GMEB2: variants seen among roughly 807,000 people sequenced by gnomAD.
GMEB2 encodes the protein glucocorticoid modulatory element-binding protein 2.
GMEB2 carries 7 observed loss-of-function variants against 45.7 expected under a neutral mutation model. The ratio of observed to expected loss-of-function variants is 0.15; its 90% CI spans 0.09 to 0.29. The LOEUF is 0.29. Ranked by LOEUF, GMEB2 falls within the 10% of genes least tolerant of loss-of-function variation. The pLI is 1.00. For missense variants in GMEB2, 582 were observed against 739.2 expected, an observed-to-expected ratio of 0.79 and a Z score of 2.47; for synonymous variants, 322 against 323.6, an observed-to-expected ratio of 1.00 and a Z score of 0.05.
chr20:63,610,461 C>G (rs763232835), intron 2 of GMEB2, among the ~76,000 whole-genome samples: 2 of 152,090 alleles, frequency 1.3e-5, no homozygotes, highest in Non-Finnish European at 2.9e-5. Flanking sequence ...GTGGAGGTTA[C>G]AGTGAGCCGA....
At chr20:63,604,636 C>T (rs1362743011) in intron 3 of GMEB2, 107 bp downstream of exon 3, 11 of 745,056 alleles carry the variant, frequency 1.5e-5, no homozygotes, top group South Asian at 2.9e-5. Context: ...GGAATCAGCC[C>T]GAACAAAGAC....
At chr20:63,611,863 G>T (rs1295915275) in intron 2 of GMEB2, among the ~76,000 whole-genome samples, 1 of 152,068 alleles carries the variant, frequency 6.6e-6, no homozygotes, top group Non-Finnish European at 1.5e-5. Context: ...CAGGCGTGGT[G>T]GCACATGCCT....
Position 63,592,585 on chromosome 20 carries a change from C to G in GMEB2, c.777G>C (p.Glu259Asp), listed in dbSNP as rs1416267524. ...VIQEFHQELVETMRGLQQRVQ... is the reference protein window; with the variant it reads ...VIQEFHQELVDTMRGLQQRVQ... ...CCCGCTGCTGCAGGCCTCTCATGGT[C>G]TCCACCAGCTCCTGGTGGAACTCCT... The change falls in exon 8 of 10, where the codon GAG (glutamate) becomes GAC (aspartate). Residue 259 changes from glutamate to aspartate, a missense_variant. This residue lies in a region of GMEB2 where 462 missense variants were observed against 586.7 expected (regional missense o/e 0.79). Coordinates refer to ENST00000370077, the MANE Select transcript of GMEB2 (RefSeq NM_012384.5). This position sits in a 1 kb window ranked among gnomAD's most constrained non-coding sequence, Gnocchi z 8.2. 3.1e-6 allele frequency: 5 copies of G among 1,611,130 alleles called. No homozygotes were observed. The highest frequency in any genetic ancestry group is 4.2e-6 in the Non-Finnish European group (5 of 1,177,514).
At chr20:63,601,819 TGTGCTGCCTGTGGCTTCC>T (rs1569052198) in intron 4 of GMEB2, among the ~76,000 whole-genome samples, 1 of 151,176 alleles carries the variant, frequency 6.6e-6, no homozygotes, top group Non-Finnish European at 1.5e-5. Flanking sequence ...CTGTGGCTTC[TGTGCTGCCTGTGGCTTCC>T]GTGGGGCCTG....
chr20:63,612,401 A>G (rs2089577662), intron 2 of GMEB2, among the ~76,000 whole-genome samples: 1 of 152,200 alleles, frequency 6.6e-6, no homozygotes, highest in Non-Finnish European at 1.5e-5. Flanking sequence ...TTAGTTCACC[A>G]GTCTCTGGAT....
At chr20:63,624,111 GA>G (rs889819472) in intron 1 of GMEB2, among the ~76,000 whole-genome samples, 19 of 118,278 alleles carry the variant, frequency 1.6e-4, no homozygotes, top group East Asian at 2.5e-4. Context: ...CCCTGTCTCA[GA>G]AAAAAAAAAA....
chr20:63,590,491 G>C lies in GMEB2; in HGVS notation c.1191C>G (p.Pro397=). 6.7e-7 allele frequency: 1 copy of C among 1,502,842 alleles called. No individual in the cohort carries two copies. Among genetic ancestry groups the C allele is most frequent in the Non-Finnish European group, 8.9e-7 (1 of 1,119,798 alleles). The allele number at this position is 1,502,842 out of a possible 1,614,324, so 93.1% of individuals were successfully genotyped here. A position where few individuals can be genotyped will look rare whatever the true frequency, so the allele number is the denominator to read the frequency against. The change falls in exon 10 of 10, where the codon CCC becomes CCG. Residue 397 remains proline, a synonymous_variant. Coordinates refer to ENST00000370077, the MANE Select transcript of GMEB2 (RefSeq NM_012384.5). ...GCAGGGTGGACACCACTTTACCAAG[G>C]GGCACGCTGGTCAGCTGGGGGACGG... The part of the protein sequence containing the change: ...GVPVPQLTSV[P]LGKVVSTLPS...
chr20:63,588,559 G>A lies in GMEB2; in HGVS notation c.*1530C>T. Reference sequence around the variant, plus strand: ...TAACAGAGAAAACAAACAAGACACAGCCTCAGTAGCTTGACATGGGTGAGG... The same window carrying A: ...TAACAGAGAAAACAAACAAGACACAACCTCAGTAGCTTGACATGGGTGAGG... On this transcript the variant is annotated 3_prime_UTR_variant, in exon 10 of 10. Coordinates refer to ENST00000370077, the MANE Select transcript of GMEB2 (RefSeq NM_012384.5). 2.5e-6 allele frequency: 1 copy of A among 397,362 alleles called. No homozygotes were observed. The highest frequency in any genetic ancestry group is 4.4e-6 in the Non-Finnish European group (1 of 225,742). 24.6% of individuals were successfully genotyped at this position (397,362 alleles called of 1,614,324 possible). A position where few individuals can be genotyped will look rare whatever the true frequency, so the allele number is the denominator to read the frequency against.
Position 63,597,773 on chromosome 20 carries a change from T to A in GMEB2, c.445A>T (p.Asn149Tyr). 6.3e-7 allele frequency: 1 copy of A among 1,599,944 alleles called. No homozygotes were observed. ...AGCGCCCACCTGAGCATGATGCCGT[T>A]CATGCGGATGGCTCTCTTCCAGTCC... ...LKDWKRAIRM[N>Y]GIMLRKIMDS... Residue 149 changes from asparagine to tyrosine, a missense_variant, in exon 5 of 10, where the codon AAC (asparagine) becomes TAC (tyrosine). Coordinates refer to ENST00000370077, the MANE Select transcript of GMEB2 (RefSeq NM_012384.5).
In GMEB2 at chr20:63,619,303, T is replaced by C; in HGVS notation, c.95A>G (p.Lys32Arg). Residue 32 changes from lysine (K) to arginine (R), a missense_variant, in exon 2 of 10, where the codon AAG becomes AGG. Coordinates refer to ENST00000370077, the MANE Select transcript of GMEB2 (RefSeq NM_012384.5). The surrounding 1 kb of genome is among the most constrained non-coding windows in gnomAD (Gnocchi z 4.6). Reference protein sequence around the residue: ...AVDGSGVEGVKTVLVTTNLAP... With the variant: ...AVDGSGVEGVRTVLVTTNLAP... ...CAAGTTGGTCGTCACCAACACGGTC[T>C]TCACCCCCTCCACACCACTGCCGTC... The C allele has an allele frequency of 6.2e-7, 1 of 1,612,702 alleles. No individual in the cohort carries two copies. The highest frequency in any genetic ancestry group is 1.1e-5 in the South Asian group (1 of 91,046).
At chr20:63,622,300 C>T (rs1352491356) in intron 1 of GMEB2, among the ~76,000 whole-genome samples, 6 of 152,170 alleles carry the variant, frequency 3.9e-5, no homozygotes, top group Non-Finnish European at 5.9e-5. Context: ...TGGTCCCCTG[C>T]GGAGAGTCTG....
Position 63,590,046 on chromosome 20 carries a change from A to G in GMEB2, c.*43T>C. 1 of 1,466,104 alleles carries G rather than the reference A, an allele frequency of 6.8e-7. No homozygotes were observed. The highest frequency in any genetic ancestry group is 9.0e-7 in the Non-Finnish European group (1 of 1,109,762). 90.8% of individuals were successfully genotyped at this position (1,466,104 alleles called of 1,614,324 possible). A position where few individuals can be genotyped will look rare whatever the true frequency, so the allele number is the denominator to read the frequency against. On this transcript the variant is annotated 3_prime_UTR_variant, in exon 10 of 10. Transcript: ENST00000370077. ...CGCTCCCTGCTGCCGCGGCTGAGAG[A>G]CAGCCAGCCCTGTCCGTCCCAGGGG... is the stretch of plus-strand genomic sequence containing the variant.
In GMEB2 at chr20:63,593,007, G is replaced by A. The variant is rs148868426; in HGVS notation, c.691+4C>T. On this transcript the variant is annotated splice_donor_region_variant and intron_variant, in intron 7 of 9. Coordinates refer to ENST00000370077, the MANE Select transcript of GMEB2 (RefSeq NM_012384.5). This position sits in a 1 kb window ranked among gnomAD's most constrained non-coding sequence, Gnocchi z 4.7. ...TGAGAAGCCCACAAGGAGGAACCTC[G>A]TACCTCCAATGGCCGCGGTCCAGTC... 3.9e-3 allele frequency: 6,245 copies of A among 1,598,670 alleles called. 22 individuals are homozygous for A. Among genetic ancestry groups the A allele is most frequent in the Non-Finnish European group, 4.7e-3 (5,510 of 1,168,354 alleles).
intron 2 of GMEB2, among the ~76,000 whole-genome samples, chr20:63,614,349 G>C (rs1158988210): frequency 1.3e-5 from 2 of 152,206 alleles, no homozygotes; most frequent in African/African-American, 4.8e-5. Context: ...GAACTGACCA[G>C]AAGACAAGAG....
intron 2 of GMEB2, among the ~76,000 whole-genome samples, chr20:63,615,920 A>G (rs771373003): frequency 6.6e-5 from 10 of 152,256 alleles, no homozygotes; most frequent in Non-Finnish European, 1.5e-4. Flanking sequence ...GTTTCGATAT[A>G]AACAGAACAT....
chr20:63,597,877 C>A lies in GMEB2; in HGVS notation c.358-17G>T. ...CTCGTCGTACTGTGGGGGACACAGT[C>A]ATGTGGGTCAAGCTTGGCCGGGACA... is the stretch of plus-strand genomic sequence containing the variant. On this transcript the variant is annotated splice_polypyrimidine_tract_variant and intron_variant, in intron 4 of 9. Coordinates refer to ENST00000370077, the MANE Select transcript of GMEB2 (RefSeq NM_012384.5). 1.4e-6 allele frequency: 2 copies of A among 1,445,160 alleles called. No homozygotes were observed. The highest frequency in any genetic ancestry group is 2.3e-5 in the South Asian group (2 of 87,830). The allele number at this position is 1,445,160 out of a possible 1,614,324, so 89.5% of individuals were successfully genotyped here.
Position 63,592,166 on chromosome 20 carries a change from T to C in GMEB2, c.830-22A>G, listed in dbSNP as rs1246235814. ...GCATCTTAAAGGGTAACGCGGACAC[T>C]CAGTGAGAGCCCAAGCCCTTCCTAG... On this transcript the variant is annotated intron_variant, in intron 8 of 9. Transcript: ENST00000370077. This position sits in a 1 kb window ranked among gnomAD's most constrained non-coding sequence, Gnocchi z 8.2. 1 of 1,608,082 alleles carries C rather than the reference T, an allele frequency of 6.2e-7. No homozygotes were observed. Among genetic ancestry groups the C allele is most frequent in the African/African-American group, 1.3e-5 (1 of 74,832 alleles).
intron 1 of GMEB2, among the ~76,000 whole-genome samples, chr20:63,621,738 T>C (rs1224667541): frequency 1.4e-5 from 2 of 142,936 alleles, no homozygotes; most frequent in African/African-American, 5.3e-5. Context: ...TATTTTACCG[T>C]AATAAAAACA....
intron 2 of GMEB2, among the ~76,000 whole-genome samples, chr20:63,608,834 A>T (rs1156871424): frequency 7.9e-5 from 2 of 25,204 alleles, no homozygotes; most frequent in African/African-American, 2.4e-4. Flanking sequence ...CCTCTGACCC[A>T]CACCTCCATT....
Sources: gnomAD v4.1 joint callset for allele counts (sites outside exome capture counted in the v4.1 genomes callset) on GRCh38, gnomAD v4.1.1 for gene constraint, gnomAD v4.1.1 regional missense constraint, Gnocchi (gnomAD v3.1) non-coding constraint, MANE v1.5 for transcripts, NCBI Gene and HGNC (gene_info 2026-07-23, HGNC 2026-07-21) for gene names.